The following ROBO2 variants were observed in gnomAD, a reference collection of about 807,000 sequenced individuals.
ROBO2 encodes the protein roundabout guidance receptor 2, also known as roundabout homolog 2.
ROBO2 carries 53 observed loss-of-function variants against 160.8 expected under a neutral mutation model. That is an observed-to-expected ratio of 0.33 (90% CI 0.26 to 0.41). ROBO2 has a LOEUF of 0.41. Among genes scored for constraint, ROBO2 ranks in the 10% least tolerant of loss-of-function variants. The probability of loss-of-function intolerance (pLI) is 1.00; values close to 1 mark genes in which losing one functional copy is unlikely to be tolerated. For missense variants in ROBO2, 1,577 were observed against 1,722.4 expected (o/e 0.92, Z 1.49); for synonymous variants, 664 against 611.7 (o/e 1.09, Z -1.26).
chr3:77,135,894 T>C (rs2076239569), intron 2 of ROBO2, among the ~76,000 whole-genome samples: 1 of 152,202 alleles, frequency 6.6e-6, no homozygotes, highest in Non-Finnish European at 1.5e-5. Flanking sequence ...AGGAAAGTAA[T>C]ATATTCTGTC....
intron 2 of ROBO2, among the ~76,000 whole-genome samples, chr3:75,994,538 C>T (rs2065669875): frequency 6.6e-6 from 1 of 152,180 alleles, no homozygotes; most frequent in Admixed American, 6.5e-5. Flanking sequence ...TCTCTTCACC[C>T]TTTGAAGAAG....
At chr3:76,502,424 GA>G (rs2053789312) in intron 2 of ROBO2, among the ~76,000 whole-genome samples, 1 of 152,170 alleles carries the variant, frequency 6.6e-6, no homozygotes, top group African/African-American at 2.4e-5. Flanking sequence ...ACTGAAATAG[GA>G]GTAGTTTAAG....
At chr3:76,067,943 G>A (rs527491363) in intron 2 of ROBO2, among the ~76,000 whole-genome samples, 1 of 152,160 alleles carries the variant, frequency 6.6e-6, no homozygotes, top group South Asian at 2.1e-4. Context: ...GCGAAAATTT[G>A]TGTTCTCTTA....
intron 2 of ROBO2, among the ~76,000 whole-genome samples, chr3:77,350,662 G>C (rs1480954674): frequency 6.6e-6 from 1 of 152,134 alleles, no homozygotes; most frequent in African/African-American, 2.4e-5. Context: ...GTGGGTCAAG[G>C]ATAATTCTGG....
In ROBO2 at chr3:77,098,170, C is replaced by G. The variant is rs141593508; in HGVS notation, c.218C>G (p.Thr73Ser). 255 of 1,614,022 alleles carry G rather than the reference C, an allele frequency of 1.6e-4. 1 individual carries two copies. Among genetic ancestry groups the G allele is most frequent in the Non-Finnish European group, 1.8e-4 (218 of 1,180,046 alleles). ...TACAAAGATGGGGAGCGAGTGGAGA[C>G]TGACAAGGACGATCCCCGGTCCCAC... is the stretch of plus-strand genomic sequence containing the variant. The change falls in exon 2 of 26, where the codon ACT (threonine) becomes AGT (serine). Residue 73 changes from threonine to serine, a missense_variant. Thr to Ser is a moderately conservative substitution (Grantham distance 58). Around this residue, in one of 2 missense-constraint regions of ROBO2, gnomAD observed 940 missense variants for 1,135.5 expected, o/e 0.83. Coordinates refer to ENST00000461745, the Ensembl canonical transcript of ROBO2.
chr3:76,991,743 G>A (rs1341394526), intron 2 of ROBO2, among the ~76,000 whole-genome samples: 1 of 152,116 alleles, frequency 6.6e-6, no homozygotes, highest in Non-Finnish European at 1.5e-5. Context: ...TTATTGATTT[G>A]CAATAAGAAA....
intron 2 of ROBO2, among the ~76,000 whole-genome samples, chr3:76,450,506 G>A (rs963926511): frequency 6.6e-6 from 1 of 151,968 alleles, no homozygotes; most frequent in African/African-American, 2.4e-5. Context: ...TAAAAATGTG[G>A]AGTCCTGCTA....
chr3:75,940,716 C>T (rs1207861749), intron 2 of ROBO2, among the ~76,000 whole-genome samples: 1 of 152,002 alleles, frequency 6.6e-6, no homozygotes, highest in Non-Finnish European at 1.5e-5. Context: ...GTAACTATTA[C>T]AATATATACA....
intron 2 of ROBO2, among the ~76,000 whole-genome samples, chr3:76,598,610 G>A (rs946806845): frequency 3.3e-5 from 5 of 152,046 alleles, no homozygotes; most frequent in African/African-American, 7.2e-5. Flanking sequence ...AAGTCCTTAT[G>A]AATCTGTAAT....
At chr3:76,320,720 G>A (rs2072445263) in intron 2 of ROBO2, among the ~76,000 whole-genome samples, 1 of 152,150 alleles carries the variant, frequency 6.6e-6, no homozygotes, top group African/African-American at 2.4e-5. Context: ...CTAACATAAT[G>A]TCCCATTCCT....
chr3:75,911,036 A>AT (rs141969770), intron 1 of ROBO2, among the ~76,000 whole-genome samples: 10,153 of 149,008 alleles, frequency 0.068, 1,112 homozygotes, highest in African/African-American at 0.23. Flanking sequence ...AAACAATGCA[A>AT]TTTTTTTTTT....
intron 6 of ROBO2, among the ~76,000 whole-genome samples, chr3:77,545,734 G>T (rs1399984328): frequency 6.6e-6 from 1 of 152,048 alleles, no homozygotes; most frequent in East Asian, 1.9e-4. Flanking sequence ...ATTAGATTGA[G>T]TCAACCATTT....
chr3:76,256,348 TCTC>T (rs1209809924), intron 2 of ROBO2, among the ~76,000 whole-genome samples: 2,171 of 67,930 alleles, frequency 0.032, 34 homozygotes, highest in Non-Finnish European at 0.048. Context: ...TCTCTCTCTC[TCTC>T]TCACATACAC....
intron 2 of ROBO2, among the ~76,000 whole-genome samples, chr3:76,442,420 A>T (rs978043237): frequency 2.0e-5 from 3 of 152,156 alleles, no homozygotes; most frequent in African/African-American, 7.2e-5. Context: ...AGCAGAGCAT[A>T]AAACTACCGT....
chr3:76,900,733 C>A (rs1449391089), intron 2 of ROBO2, among the ~76,000 whole-genome samples: 1 of 152,104 alleles, frequency 6.6e-6, no homozygotes, highest in Non-Finnish European at 1.5e-5. Context: ...GAAGGCAAAT[C>A]TGTAATAATC....
chr3:76,233,926 T>C (rs961337585), intron 2 of ROBO2, among the ~76,000 whole-genome samples: 3 of 152,214 alleles, frequency 2.0e-5, no homozygotes, highest in Non-Finnish European at 4.4e-5. Context: ...ACTCAGGTAA[T>C]AAGAATAGTG....
intron 2 of ROBO2, among the ~76,000 whole-genome samples, chr3:76,109,686 A>AT (rs1355041790): frequency 6.6e-6 from 1 of 151,300 alleles, no homozygotes; most frequent in East Asian, 2.0e-4. Flanking sequence ...ATTTTTATGG[A>AT]TTTAGAGGGT....
chr3:77,531,619 A>G (rs775755), intron 6 of ROBO2, among the ~76,000 whole-genome samples: 114,684 of 151,778 alleles, frequency 0.76, 43,583 homozygotes, highest in Admixed American at 0.82. Flanking sequence ...TAATGTAACA[A>G]ATATTTTGAT....
intron 2 of ROBO2, among the ~76,000 whole-genome samples, chr3:77,167,525 TAA>T (rs1262667936): frequency 6.6e-6 from 1 of 152,206 alleles, no homozygotes; most frequent in Non-Finnish European, 1.5e-5. Flanking sequence ...GCTCCCAGCA[TAA>T]GAGAGGCTAC....
Sources: gnomAD v4.1 joint callset for allele counts (sites outside exome capture counted in the v4.1 genomes callset) on GRCh38, gnomAD v4.1.1 for gene constraint, gnomAD v4.1.1 regional missense constraint, MANE v1.5 for transcripts, NCBI Gene and HGNC (gene_info 2026-07-23, HGNC 2026-07-21) for gene names.